ANKIB1: variants seen among roughly 807,000 people sequenced by gnomAD.
ANKIB1 encodes ankyrin repeat and IBR domain containing 1.
Under a neutral mutation model 122.1 loss-of-function variants are expected in ANKIB1, and 43 were observed. The ratio of observed to expected loss-of-function variants is 0.35; its 90% CI spans 0.28 to 0.45. The LOEUF (loss-of-function observed/expected upper bound fraction) is 0.45. Among genes scored for constraint, ANKIB1 ranks in the 20% least tolerant of loss-of-function variants. ANKIB1 has a pLI of 1.00. For synonymous variants in ANKIB1, 390 were observed against 442.0 expected (o/e 0.88, Z 1.48); for missense variants, 992 against 1,329.5 (o/e 0.75, Z 3.95).
intron 9 of ANKIB1, among the ~76,000 whole-genome samples, chr7:92,356,724 C>G (rs1038882808): frequency 6.6e-6 from 1 of 152,194 alleles, no homozygotes; most frequent in African/African-American, 2.4e-5. Flanking sequence ...AGTGCAAGTT[C>G]CAGAACCAAA....
At chr7:92,338,785 G>A (rs1399061189) in intron 5 of ANKIB1, among the ~76,000 whole-genome samples, 6 of 148,674 alleles carry the variant, frequency 4.0e-5, no homozygotes, top group Non-Finnish European at 4.5e-5. Context: ...GGTGGTGGGC[G>A]CCTGTAGTCC....
At chr7:92,319,202 A>C (rs1431161498) in intron 3 of ANKIB1, 128 bp from the exon 4 acceptor site, 1 of 470,848 alleles carries the variant, frequency 2.1e-6, no homozygotes, top group Non-Finnish European at 3.5e-6. Context: ...TGTCATTTCA[A>C]ATACATACTG....
chr7:92,267,249 C>T (rs1801689857), intron 1 of ANKIB1, among the ~76,000 whole-genome samples: 1 of 152,110 alleles, frequency 6.6e-6, no homozygotes. Context: ...AATATACATA[C>T]ATACATAAAA....
chr7:92,254,576 C>T (rs1364994060), intron 1 of ANKIB1, among the ~76,000 whole-genome samples: 1 of 152,080 alleles, frequency 6.6e-6, no homozygotes, highest in Admixed American at 6.5e-5. Context: ...ATGAGGCTAG[C>T]TACTTATGAG....
intron 10 of ANKIB1, among the ~76,000 whole-genome samples, chr7:92,366,930 A>G (rs964967253): frequency 6.6e-5 from 10 of 152,188 alleles, no homozygotes; most frequent in Non-Finnish European, 1.3e-4. Context: ...GAATCATTCC[A>G]TACCCACAGA....
At chr7:92,255,335 G>C (rs1801414087) in intron 1 of ANKIB1, among the ~76,000 whole-genome samples, 1 of 152,110 alleles carries the variant, frequency 6.6e-6, no homozygotes, top group Non-Finnish European at 1.5e-5. Flanking sequence ...ATCCAAAAAA[G>C]GGTCATATAA....
intron 8 of ANKIB1, among the ~76,000 whole-genome samples, chr7:92,351,442 A>G (rs1178958222): frequency 6.6e-6 from 1 of 152,200 alleles, no homozygotes; most frequent in African/African-American, 2.4e-5. Context: ...GTTTTCCAAA[A>G]GACATTATCT....
chr7:92,304,035 A>ATCCC, intron 2 of ANKIB1, among the ~76,000 whole-genome samples: 1 of 152,066 alleles, frequency 6.6e-6, no homozygotes, highest in East Asian at 1.9e-4. Context: ...ATTATCTCCT[A>ATCCC]TCCCTGTTCC....
intron 10 of ANKIB1, among the ~76,000 whole-genome samples, chr7:92,363,271 C>T (rs1438462602): frequency 1.3e-5 from 2 of 151,972 alleles, no homozygotes; most frequent in African/African-American, 2.4e-5. Context: ...ATTAGCTGGG[C>T]GTGGTGGCAC....
At chr7:92,332,195 G>A (rs1803186726) in intron 5 of ANKIB1, among the ~76,000 whole-genome samples, 1 of 152,098 alleles carries the variant, frequency 6.6e-6, no homozygotes. Flanking sequence ...TTGTTTAGGT[G>A]GTATCAATGA....
intron 2 of ANKIB1, among the ~76,000 whole-genome samples, chr7:92,305,722 A>G (rs1802545894): frequency 1.3e-5 from 2 of 152,176 alleles, no homozygotes; most frequent in Non-Finnish European, 2.9e-5. Flanking sequence ...TCAGAAGACC[A>G]TAAAGGCTAC....
In ANKIB1 at chr7:92,349,981, C is replaced by T. The variant is rs1408550157; in HGVS notation, c.1086-969C>T. ...CTTAATCCCAGGAGTTTGAGACCAA[C>T]CTAGGCAAAGAGAGACCCCATCTTA... On this transcript the variant is annotated intron_variant, in intron 7 of 19. Coordinates refer to ENST00000265742, the MANE Select transcript of ANKIB1 (RefSeq NM_019004.2). Among the ~76,000 whole-genome samples, 3 of 148,422 alleles carry T rather than the reference C, an allele frequency of 2.0e-5. No homozygotes were observed. The East Asian group carries it at 5.9e-4, about 29-fold the overall frequency.
chr7:92,377,587 A>G (rs897420765), intron 11 of ANKIB1, among the ~76,000 whole-genome samples: 1 of 152,184 alleles, frequency 6.6e-6, no homozygotes, highest in Non-Finnish European at 1.5e-5. Flanking sequence ...CAAAATGCAA[A>G]TCTGCAATGC....
intron 1 of ANKIB1, among the ~76,000 whole-genome samples, chr7:92,253,827 C>G (rs1474155139): frequency 6.6e-6 from 1 of 152,180 alleles, no homozygotes; most frequent in Non-Finnish European, 1.5e-5. Flanking sequence ...TCATAAATTT[C>G]TCCTGTTTTG....
intron 7 of ANKIB1, among the ~76,000 whole-genome samples, chr7:92,346,121 G>A (rs1393097646): frequency 1.3e-5 from 2 of 151,308 alleles, no homozygotes; most frequent in East Asian, 1.9e-4. Context: ...CTGAGCTGTC[G>A]TTCTGATTTT....
chr7:92,389,849 A>G (rs1804747457), intron 14 of ANKIB1, 122 bp from the exon 15 acceptor site: 2 of 1,022,450 alleles, frequency 2.0e-6, no homozygotes, highest in Middle Eastern at 3.2e-4. Flanking sequence ...CAGTTACTTA[A>G]AACAGTTTTT....
chr7:92,321,276 TG>T (rs1482832096), intron 4 of ANKIB1, among the ~76,000 whole-genome samples: 3 of 152,178 alleles, frequency 2.0e-5, no homozygotes, highest in Non-Finnish European at 4.4e-5. Context: ...ACATTTGAAA[TG>T]TACTCTTATT....
intron 1 of ANKIB1, among the ~76,000 whole-genome samples, chr7:92,248,465 T>G (rs1801246659): frequency 6.6e-6 from 1 of 152,184 alleles, no homozygotes; most frequent in Non-Finnish European, 1.5e-5. Flanking sequence ...ATATGTGTAT[T>G]TACAACTTGC....
At chr7:92,342,413 C>A (rs1257997246) in intron 5 of ANKIB1, among the ~76,000 whole-genome samples, 1 of 152,076 alleles carries the variant, frequency 6.6e-6, no homozygotes, top group Non-Finnish European at 1.5e-5. Context: ...TTTTACTTGG[C>A]AATTTTTAAA....
Sources: allele counts gnomAD v4.1 joint callset (sites outside exome capture counted in the v4.1 genomes callset), GRCh38; gene constraint gnomAD v4.1.1; transcripts MANE v1.5; gene names NCBI Gene and HGNC (gene_info 2026-07-23, HGNC 2026-07-21).